SAMD4A: variants seen among roughly 807,000 people sequenced by gnomAD.
SAMD4A encodes protein Smaug homolog 1.
Under a neutral mutation model 81.3 loss-of-function variants are expected in SAMD4A, and 33 were observed. The ratio of observed to expected loss-of-function variants is 0.41; its 90% confidence interval spans 0.31 to 0.54. The LOEUF is 0.54. SAMD4A is among the 20% of genes least tolerant of loss of function. The pLI, the probability that SAMD4A is intolerant of heterozygous loss-of-function variation, is 0.37. For missense variants in SAMD4A, 854 were observed against 951.1 expected, an observed-to-expected ratio of 0.90 and a Z score of 1.34; for synonymous variants, 389 against 382.1, an observed-to-expected ratio of 1.02 and a Z score of -0.21.
intron 6 of SAMD4A, among the ~76,000 whole-genome samples, chr14:54,755,912 A>G (rs2038227004): frequency 1.3e-5 from 2 of 152,092 alleles, no homozygotes; most frequent in African/African-American, 4.8e-5. Flanking sequence ...GGTCCTTGGC[A>G]TGGAGGAAGG....
At chr14:54,660,304 G>C (rs1427370354) in intron 2 of SAMD4A, among the ~76,000 whole-genome samples, 1 of 152,202 alleles carries the variant, frequency 6.6e-6, no homozygotes, top group African/African-American at 2.4e-5. Context: ...CCTCTGAGAA[G>C]CTAGGTAGGG....
intron 2 of SAMD4A, among the ~76,000 whole-genome samples, chr14:54,691,200 T>G (rs1359200936): frequency 1.3e-5 from 2 of 152,200 alleles, no homozygotes; most frequent in Non-Finnish European, 2.9e-5. Context: ...TTTTTGTGCC[T>G]GCCTTTGTTG....
At chr14:54,779,885 G>A (rs986157131) in intron 11 of SAMD4A, among the ~76,000 whole-genome samples, 2 of 152,192 alleles carry the variant, frequency 1.3e-5, no homozygotes, top group African/African-American at 2.4e-5. Context: ...CAGAAAACAA[G>A]TGTGGCGCCT....
chr14:54,706,002 G>A (rs886785725), intron 3 of SAMD4A, among the ~76,000 whole-genome samples: 2 of 152,128 alleles, frequency 1.3e-5, no homozygotes, highest in African/African-American at 4.8e-5. Context: ...GGCCTATCCT[G>A]TAAGTGCTGT....
intron 2 of SAMD4A, among the ~76,000 whole-genome samples, chr14:54,568,388 T>G (rs963096241): frequency 6.6e-6 from 1 of 151,992 alleles, no homozygotes; most frequent in African/African-American, 2.4e-5. Flanking sequence ...TGATTGATTT[T>G]TCTCTCATGC....
chr14:54,753,208 C>T (rs1272637662), intron 6 of SAMD4A, among the ~76,000 whole-genome samples: 1 of 152,248 alleles, frequency 6.6e-6, no homozygotes, highest in Non-Finnish European at 1.5e-5. Flanking sequence ...AGGTCTTTCT[C>T]ATCCCATGAG....
chr14:54,659,732 T>C (rs1297065224), intron 2 of SAMD4A, among the ~76,000 whole-genome samples: 1 of 152,142 alleles, frequency 6.6e-6, no homozygotes, highest in Non-Finnish European at 1.5e-5. Context: ...AGCCCAGCTG[T>C]TGGAGTGTGG....
chr14:54,702,492 C>T lies in SAMD4A; in HGVS notation c.627C>T (p.Ser209=). 8 of 1,614,206 alleles carry T rather than the reference C, an allele frequency of 5.0e-6. No homozygotes were observed. Among genetic ancestry groups the T allele is most frequent in the Non-Finnish European group, 6.8e-6 (8 of 1,180,014 alleles). Residue 209 remains serine (S), a synonymous_variant, in exon 3 of 13, where the codon AGC becomes AGT. Coordinates refer to ENST00000554335, the MANE Select transcript of SAMD4A (RefSeq NM_015589.6). ...CINASNWQDK[S]MGCENGHVPL... ...ATGCCTCCAACTGGCAGGACAAAAGCATGGGGTGTGAGAATGGCCATGTGC... is the reference window on the plus strand; with the variant it reads ...ATGCCTCCAACTGGCAGGACAAAAGTATGGGGTGTGAGAATGGCCATGTGC...
At chr14:54,749,277 C>A (rs1180073634) in intron 5 of SAMD4A, among the ~76,000 whole-genome samples, 1 of 152,198 alleles carries the variant, frequency 6.6e-6, no homozygotes, top group South Asian at 2.1e-4. Context: ...GAATCTACAT[C>A]CCTGCCTTTG....
intron 2 of SAMD4A, among the ~76,000 whole-genome samples, chr14:54,698,486 C>T (rs965647970): frequency 6.6e-6 from 1 of 152,184 alleles, no homozygotes; most frequent in African/African-American, 2.4e-5. Context: ...TGCCCCTGTG[C>T]CTTCATCTGT....
chr14:54,590,609 C>T (rs2033748543), intron 2 of SAMD4A, among the ~76,000 whole-genome samples: 1 of 152,186 alleles, frequency 6.6e-6, no homozygotes, highest in East Asian at 1.9e-4. Context: ...TCCCTCTCCT[C>T]TCCTCTCTTC....
intron 6 of SAMD4A, among the ~76,000 whole-genome samples, chr14:54,755,104 G>A (rs1268634752): frequency 6.6e-6 from 1 of 152,178 alleles, no homozygotes; most frequent in Non-Finnish European, 1.5e-5. Flanking sequence ...AACTCATTAG[G>A]AAACTATAGC....
At chr14:54,643,263 C>G (rs1416441309) in intron 2 of SAMD4A, among the ~76,000 whole-genome samples, 1 of 152,234 alleles carries the variant, frequency 6.6e-6, no homozygotes, top group East Asian at 1.9e-4. Context: ...AATGGTCTTC[C>G]CCGATATGGA....
rs1249707670 is a variant in SAMD4A at position 54,660,081 on chromosome 14, GA to G, written c.197-41967del. Among the ~76,000 whole-genome samples the G allele has an allele frequency of 4.6e-3, 648 of 141,756 alleles. 1 individual carries two copies. The highest frequency in any genetic ancestry group is 7.2e-3 in the Middle Eastern group (2 of 278). The allele number at this position is 141,756 out of a possible 152,430, so 93.0% of individuals were successfully genotyped here. On this transcript the variant is annotated intron_variant, in intron 2 of 12. Coordinates refer to ENST00000554335, the MANE Select transcript of SAMD4A (RefSeq NM_015589.6). ...GGCAACAGAGCGAGACTCCGTCTCA[GA>G]AAAAAAAAAAAAAGGGCCTTTTGTC... is the stretch of plus-strand genomic sequence containing the variant.
At chr14:54,672,232 T>G (rs566017368) in intron 2 of SAMD4A, among the ~76,000 whole-genome samples, 50 of 152,132 alleles carry the variant, frequency 3.3e-4, no homozygotes, top group Admixed American at 5.9e-4. Context: ...GCTGTTTTTT[T>G]TGTGTTTTTT....
At chr14:54,772,733 A>G (rs1407183181) in intron 9 of SAMD4A, among the ~76,000 whole-genome samples, 2 of 152,252 alleles carry the variant, frequency 1.3e-5, no homozygotes, top group African/African-American at 4.8e-5. Context: ...AAATAAGGAA[A>G]AATCATAGCA....
intron 2 of SAMD4A, among the ~76,000 whole-genome samples, chr14:54,591,527 GTTTTTTTTT>G (rs55702356): frequency 6.8e-6 from 1 of 147,120 alleles, no homozygotes; most frequent in Non-Finnish European, 1.5e-5. Context: ...CCTGTATTTT[GTTTTTTTTT>G]TTTTGTTTTG....
chr14:54,633,711 A>C (rs1183826836), intron 2 of SAMD4A, among the ~76,000 whole-genome samples: 2 of 152,110 alleles, frequency 1.3e-5, no homozygotes, highest in Non-Finnish European at 2.9e-5. Flanking sequence ...TGGCTCTGTC[A>C]TTTACTAGAG....
chr14:54,603,822 ATTTG>A (rs555722413), intron 2 of SAMD4A, among the ~76,000 whole-genome samples: 197 of 147,506 alleles, frequency 1.3e-3, no homozygotes, highest in African/African-American at 4.4e-3. Context: ...TTATTTGTTT[ATTTG>A]TTTATTTATT....
Sources: gnomAD v4.1 joint callset for allele counts (sites outside exome capture counted in the v4.1 genomes callset) on GRCh38, gnomAD v4.1.1 for gene constraint, MANE v1.5 for transcripts, NCBI Gene and HGNC (gene_info 2026-07-23, HGNC 2026-07-21) for gene names.